Variants in TTN observed in about 807,000 individuals in gnomAD.
The protein encoded by TTN is titin, also known as connectin.
TTN carries 1,525 observed loss-of-function variants against 3,223.0 expected under a neutral mutation model. That is an observed-to-expected ratio of 0.47 (90% CI 0.45 to 0.49). The LOEUF is 0.49. Among genes scored for constraint, TTN ranks in the 20% least tolerant of loss-of-function variants. The pLI, the probability that TTN is intolerant of heterozygous loss-of-function variation, is 0.00. For missense variants in TTN, 40,786 were observed against 43,424.0 expected (o/e 0.94, Z 5.40); for synonymous variants, 14,094 against 15,161.0 (o/e 0.93, Z 5.17).
chr2:178,629,376 G>T lies in TTN; in HGVS notation c.44349C>A (p.Phe14783Leu). 1 of 1,613,010 alleles carries T rather than the reference G, an allele frequency of 6.2e-7. No homozygotes were observed. Among genetic ancestry groups the T allele is most frequent in the Non-Finnish European group, 8.5e-7 (1 of 1,179,346 alleles). ...TATCTTCGTAGGAGAGCTCGCAGTC[G>T]AAGGTGGCTGTTTCCCCTGCAGTCA... ...VTVTAGETAT[F>L]DCELSYEDIP... is the part of the protein sequence containing the mutation. The change falls in exon 240 of 363, where the codon TTC (phenylalanine) becomes TTA (leucine). Residue 14783 changes from phenylalanine to leucine, a missense_variant. By Grantham distance (22) the Phe-to-Leu change is conservative. Coordinates refer to ENST00000589042, the MANE Select transcript of TTN (RefSeq NM_001267550.2).
Position 178,562,085 on chromosome 2 carries a change from G to T in TTN, c.84047C>A (p.Thr28016Asn). The change falls in exon 326 of 363, where the codon ACT becomes AAT. Residue 28016 changes from threonine to asparagine, a missense_variant. Transcript: ENST00000589042. ...TTRVNVSSSK[T>N]VTSLSIKEAS... ...TTCCTTAATAGATAGTGATGTTACAGTCTTTGAAGAAGAAACATTGACTCT... is the reference window on the plus strand; with the variant it reads ...TTCCTTAATAGATAGTGATGTTACATTCTTTGAAGAAGAAACATTGACTCT... 6.2e-7 allele frequency: 1 copy of T among 1,613,274 alleles called. No individual in the cohort carries two copies. Among genetic ancestry groups the T allele is most frequent in the Non-Finnish European group, 8.5e-7 (1 of 1,179,582 alleles).
chr2:178,531,192 G>GT lies in TTN; in HGVS notation c.105422dup (p.Tyr35141Ter), dbSNP rs1558995457. The GT allele has an allele frequency of 6.2e-7, 1 of 1,613,934 alleles. No homozygotes were observed. Among genetic ancestry groups the GT allele is most frequent in the Non-Finnish European group, 8.5e-7 (1 of 1,179,872 alleles). Residue 35141 changes from tyrosine (Y) to a stop codon, truncating the protein, a stop_gained and frameshift_variant, in exon 358 of 363, where the codon TAC (tyrosine) becomes TAAC (stop). Transcript: ENST00000589042. LOFTEE classifies it high-confidence loss of function. ...ILTKPRSMTV[Y>*]EGESARFSCD... ...AAGAAAACCTTGCAGACTCGCCCTC[G>GT]TAGACGGTCATGGACCGTGGCTTTG...
Position 178,741,919 on chromosome 2 carries a change from A to G in TTN, c.11314T>C (p.Phe3772Leu). 2.0e-6 allele frequency: 3 copies of G among 1,516,494 alleles called. No individual in the cohort carries two copies. The highest frequency in any genetic ancestry group is 2.6e-6 in the Non-Finnish European group (3 of 1,133,088). The allele number at this position is 1,516,494 out of a possible 1,614,324, so 93.9% of individuals were successfully genotyped here. A position where few individuals can be genotyped will look rare whatever the true frequency, so the allele number is the denominator to read the frequency against. Reference sequence around the variant, plus strand: ...TCGGCAGACAGAAAAGAACTAGAAAACTCTGTATGGGGAAAAATGATTATT... The same window carrying G: ...TCGGCAGACAGAAAAGAACTAGAAAGCTCTGTATGGGGAAAAATGATTATT... ...EQEIEMEMKE[F>L]SSSFLSAEEE... is the part of the protein sequence containing the mutation. Residue 3772 changes from phenylalanine (F) to leucine (L), a missense_variant and splice_region_variant, in exon 48 of 363, where the codon TTT becomes CTT. Coordinates refer to ENST00000589042, the MANE Select transcript of TTN (RefSeq NM_001267550.2).
intron 147 of TTN, among the ~76,000 whole-genome samples, chr2:178,676,494 T>C (rs1032891651): frequency 6.6e-6 from 1 of 151,872 alleles, no homozygotes; most frequent in African/African-American, 2.4e-5. Flanking sequence ...ATTAATTCTG[T>C]CCTGTACTAT....
chr2:178,589,944 A>G lies in TTN; in HGVS notation c.61781T>C (p.Leu20594Pro). The G allele has an allele frequency of 2.5e-6, 4 of 1,613,212 alleles. No homozygotes were observed. The highest frequency in any genetic ancestry group is 3.4e-6 in the Non-Finnish European group (4 of 1,179,518). Residue 20594 changes from leucine to proline, a missense_variant, in exon 304 of 363, where the codon CTA (leucine) becomes CCA (proline). Physicochemically the swap from Leu to Pro is moderately conservative, Grantham distance 98. Transcript: ENST00000589042. ...TGTTATTTCTGAGCCACCATTATCT[A>G]GTGGGTTTTCCCAAGAAATTGTACA... Reference protein sequence around the residue: ...ENCTISWENPLDNGGSEITNF... With the variant: ...ENCTISWENPPDNGGSEITNF...
Position 178,728,698 on chromosome 2 carries a change from C to A in TTN, c.19228G>T (p.Gly6410Ter). The change falls in exon 66 of 363, where the codon GGA (glycine) becomes TGA (stop). Residue 6410 changes from glycine to a stop codon, truncating the protein, a stop_gained. Transcript: ENST00000589042. LOFTEE classifies it high-confidence loss of function. ...CATTTCACTTTGAGTTCTGGTGTTC[C>A]AGCCACAACACATTCCAAGGTCATG... ...DPMTLECVVAGTPELKVKWLK... is the reference protein window; with the variant it reads ...DPMTLECVVA The A allele has an allele frequency of 6.2e-7, 1 of 1,613,242 alleles. No individual in the cohort carries two copies. The highest frequency in any genetic ancestry group is 8.5e-7 in the Non-Finnish European group (1 of 1,179,430).
intron 33 of TTN, among the ~76,000 whole-genome samples, chr2:178,772,449 T>C (rs1397519834): frequency 4.6e-5 from 7 of 152,224 alleles, no homozygotes; most frequent in South Asian, 2.1e-4. Context: ...TCTAGTTTTT[T>C]CTGGCAATTG....
Position 178,725,503 on chromosome 2 carries a change from T to C in TTN, c.20701A>G (p.Ile6901Val). The change falls in exon 71 of 363, where the codon ATC becomes GTC. Residue 6901 changes from isoleucine to valine, a missense_variant. Coordinates refer to ENST00000589042, the MANE Select transcript of TTN (RefSeq NM_001267550.2). The part of the protein sequence containing the change: ...KEEVIRESEN[I>V]RITFVENVAT... Reference sequence around the variant, plus strand: ...ACATTTTCCACAAATGTAATCCTGATGTTTTCACTTTCTCTAATCACTTCT... The same window carrying C: ...ACATTTTCCACAAATGTAATCCTGACGTTTTCACTTTCTCTAATCACTTCT... 6.2e-7 allele frequency: 1 copy of C among 1,613,434 alleles called. No individual in the cohort carries two copies. The highest frequency in any genetic ancestry group is 1.7e-5 in the Admixed American group (1 of 59,980).
In TTN at chr2:178,539,062, G is replaced by A. The variant is rs1441902743; in HGVS notation, c.98873C>T (p.Thr32958Ile). ...NKTQITTTMY[T>I]VTGLVPDAEY... ...AGCATCGGGAACAAGCCCTGTGACA[G>A]TGTACATTGTGGTGGTGATCTGAGT... The change falls in exon 353 of 363, where the codon ACT (threonine) becomes ATT (isoleucine). Residue 32958 changes from threonine (T) to isoleucine (I), a missense_variant. By Grantham distance (89) the Thr-to-Ile change is moderately conservative. Transcript: ENST00000589042. 1.2e-6 allele frequency: 2 copies of A among 1,613,790 alleles called. No homozygotes were observed. Among genetic ancestry groups the A allele is most frequent in the Non-Finnish European group, 1.7e-6 (2 of 1,179,746 alleles).
At chr2:178,796,658 GAGACAT>G (rs1239930285) in intron 6 of TTN, among the ~76,000 whole-genome samples, 1 of 152,154 alleles carries the variant, frequency 6.6e-6, no homozygotes, top group African/African-American at 2.4e-5. Flanking sequence ...GAAAAGCAAA[GAGACAT>G]GTGCTTTTAA....
At position 178,618,485 on chromosome 2, in the gene TTN, G is replaced by A. The variant is rs794729440; in HGVS notation, c.46973C>T (p.Pro15658Leu). The part of the protein sequence containing the change: ...GFINLKVIDV[P>L]GPVRNLEVTE... ...CACTTCTAAGTTACGTACTGGCCCA[G>A]GAACATCTGAAATTCACATATAGAG... Residue 15658 changes from proline to leucine, a missense_variant, in exon 252 of 363, where the codon CCT becomes CTT. By Grantham distance (98) the Pro-to-Leu change is moderately conservative. Transcript: ENST00000589042. 1 of 1,611,258 alleles carries A rather than the reference G, an allele frequency of 6.2e-7. No individual in the cohort carries two copies. The highest frequency in any genetic ancestry group is 8.5e-7 in the Non-Finnish European group (1 of 1,178,830).
At position 178,714,480 on chromosome 2, in the gene TTN, A is replaced by G. The variant is rs768619883; in HGVS notation, c.26294T>C (p.Ile8765Thr). 6.2e-6 allele frequency: 10 copies of G among 1,613,474 alleles called. No individual in the cohort carries two copies. The highest frequency in any genetic ancestry group is 5.0e-5 in the Admixed American group (3 of 59,968). ...CTTATCTTTGAACCACACCACTGAA[A>G]TGGGTTCAGCGCCTTCAATGGTAGT... The part of the protein sequence containing the change: ...LQTTIEGAEP[I>T]SVVWFKDKGE... Residue 8765 changes from isoleucine (I) to threonine (T), a missense_variant, in exon 91 of 363, where the codon ATT (isoleucine) becomes ACT (threonine). By Grantham distance (89) the Ile-to-Thr change is moderately conservative. Transcript: ENST00000589042.
rs2081075120 is a variant in TTN, at chr2:178,734,408, C to T, written c.15416G>A (p.Ser5139Asn). The T allele has an allele frequency of 1.9e-6, 3 of 1,613,576 alleles. No homozygotes were observed. The highest frequency in any genetic ancestry group is 1.7e-5 in the Admixed American group (1 of 59,982). The change falls in exon 52 of 363, where the codon AGT (serine) becomes AAT (asparagine). Residue 5139 changes from serine (S) to asparagine (N), a missense_variant. Coordinates refer to ENST00000589042, the MANE Select transcript of TTN (RefSeq NM_001267550.2). Reference protein sequence around the residue: ...LVCLEIFSFNSADVGEYECVV... With the variant: ...LVCLEIFSFNNADVGEYECVV... ...ACATTCATATTCACCAACATCTGCA[C>T]TATTAAACGAAAAGATCTCCAGACA...
At chr2:178,650,686 G>T in intron 209 of TTN, 65 bp downstream of exon 209, 1 of 1,407,610 alleles carries the variant, frequency 7.1e-7, no homozygotes, top group South Asian at 1.3e-5. Context: ...GAAGGAAGAA[G>T]AACAAAGCTT....
chr2:178,728,234 C>T lies in TTN; in HGVS notation c.19590G>A (p.Val6530=), dbSNP rs1338768065. The change falls in exon 67 of 363, where the codon GTG becomes GTA. Residue 6530 remains valine (V), a synonymous_variant. Coordinates refer to ENST00000589042, the MANE Select transcript of TTN (RefSeq NM_001267550.2). ...CCAGAGACACAGATCTCTCATGGCA[C>T]ACAAGTCTGTATTTTGCACTTGTAG... The part of the protein sequence containing the change: ...EISTSAKYRL[V]CHERSVSLEV... The T allele has an allele frequency of 6.2e-7, 1 of 1,613,176 alleles. No homozygotes were observed. The highest frequency in any genetic ancestry group is 1.1e-5 in the South Asian group (1 of 91,044).
In TTN at chr2:178,689,512, T is replaced by G. The variant is rs1348550911; in HGVS notation, c.31927+3A>C. 1.2e-6 allele frequency: 2 copies of G among 1,608,698 alleles called. No individual in the cohort carries two copies. The highest frequency in any genetic ancestry group is 1.3e-5 in the African/African-American group (1 of 75,004). ...GTTATTTCATGGAGATGGGATTAAGTACCTGCTGGTGGTGGAGATTCCTCT... is the reference window on the plus strand; with the variant it reads ...GTTATTTCATGGAGATGGGATTAAGGACCTGCTGGTGGTGGAGATTCCTCT... On this transcript the variant is annotated splice_donor_region_variant and intron_variant, in intron 123 of 362. Coordinates refer to ENST00000589042, the MANE Select transcript of TTN (RefSeq NM_001267550.2).
At chr2:178,798,164 G>A (rs1265569063) in intron 6 of TTN, among the ~76,000 whole-genome samples, 4 of 152,010 alleles carry the variant, frequency 2.6e-5, no homozygotes, top group Non-Finnish European at 4.4e-5. Flanking sequence ...TAACTTTACA[G>A]TATGTTTGAA....
In TTN at chr2:178,649,585, A is replaced by G; in HGVS notation, c.39942T>C (p.Thr13314=). Residue 13314 remains threonine, a synonymous_variant, in exon 212 of 363, where the codon ACT becomes ACC. Transcript: ENST00000589042. ...KKVVPVKKVP[T]VKKPETPAAK... ...CTGCTGGTGTTTCTGGCTTCTTAAC[A>G]GTTGGGACCTTCTTCACTGGAACAA... is the stretch of plus-strand genomic sequence containing the variant. 3 of 1,550,068 alleles carry G rather than the reference A, an allele frequency of 1.9e-6. No individual in the cohort carries two copies. The highest frequency in any genetic ancestry group is 2.6e-6 in the Non-Finnish European group (3 of 1,146,622).
chr2:178,732,145 G>A lies in TTN; in HGVS notation c.16824C>T (p.Ile5608=), dbSNP rs764371159. The A allele has an allele frequency of 6.2e-7, 1 of 1,613,720 alleles. No homozygotes were observed. The highest frequency in any genetic ancestry group is 8.5e-7 in the Non-Finnish European group (1 of 1,179,740). Residue 5608 remains isoleucine (I), a synonymous_variant, in exon 57 of 363, where the codon ATC becomes ATT. Coordinates refer to ENST00000589042, the MANE Select transcript of TTN (RefSeq NM_001267550.2). ...TAVLRLTDVG[I]EDSGEYMCEA... ...CACACATATATTCACCACTGTCTTC[G>A]ATGCCAACATCTGTCAGTCTTAGAA... is the stretch of plus-strand genomic sequence containing the variant.
Sources: allele counts gnomAD v4.1 joint callset (sites outside exome capture counted in the v4.1 genomes callset), GRCh38; gene constraint gnomAD v4.1.1; transcripts MANE v1.5; gene names NCBI Gene and HGNC (gene_info 2026-07-23, HGNC 2026-07-21).